Variants in DPH6 observed in about 807,000 individuals in gnomAD.
DPH6 encodes the protein diphthamine biosynthesis 6.
DPH6 carries 33 observed loss-of-function variants against 38.2 expected under a neutral mutation model. The observed-to-expected ratio is 0.86, with a 90% CI of 0.65 to 1.15. The LOEUF is 1.15. Among genes scored for constraint, DPH6 ranks in the 50% most tolerant of loss-of-function variants. DPH6 has a pLI of 0.00. For synonymous variants in DPH6, 108 were observed against 103.0 expected (o/e 1.05, Z -0.30); for missense variants, 325 against 320.0 (o/e 1.02, Z -0.12).
chr15:35,191,212 C>G, the DPH6 span, among the ~76,000 whole-genome samples: 1 of 152,162 alleles, frequency 6.6e-6, no homozygotes, highest in African/African-American at 2.4e-5. Flanking sequence ...CATTTTACAT[C>G]AAACTGACAC....
intron 3 of DPH6, among the ~76,000 whole-genome samples, chr15:35,467,401 A>G (rs1417387764): frequency 1.3e-5 from 2 of 152,068 alleles, no homozygotes; most frequent in Non-Finnish European, 2.9e-5. Flanking sequence ...CCCCATCTCT[A>G]CTAAAAATAC....
chr15:35,436,193 G>A (rs112410866), intron 5 of DPH6, among the ~76,000 whole-genome samples: 6 of 152,112 alleles, frequency 3.9e-5, no homozygotes, highest in East Asian at 2.0e-4. Flanking sequence ...CCTGCTGGGC[G>A]CGGTGGCTCA....
At chr15:35,379,218 C>T (rs1030106700) in intron 7 of DPH6, among the ~76,000 whole-genome samples, 7 of 152,134 alleles carry the variant, frequency 4.6e-5, no homozygotes, top group African/African-American at 1.7e-4. Flanking sequence ...GCCCCTCCCT[C>T]ACCTCAAAAA....
At chr15:35,401,617 C>T (rs1018174709) in intron 6 of DPH6, 30 of 759,988 alleles carry the variant, frequency 3.9e-5, no homozygotes, top group Admixed American at 1.5e-4. Context: ...CAATCATCTT[C>T]GAATTTTGGA....
chr15:35,460,367 CG>C (rs1444430022), intron 3 of DPH6, among the ~76,000 whole-genome samples: 1 of 151,936 alleles, frequency 6.6e-6, no homozygotes, highest in East Asian at 1.9e-4. Flanking sequence ...AGAGACCAAA[CG>C]GGAAGAAAAT....
intron 3 of DPH6, among the ~76,000 whole-genome samples, chr15:35,307,462 T>C (rs1424534592): frequency 1.3e-5 from 2 of 152,192 alleles, no homozygotes; most frequent in Non-Finnish European, 2.9e-5. Flanking sequence ...ATGTAATACC[T>C]GATCCTAGGT....
intron 3 of DPH6, among the ~76,000 whole-genome samples, chr15:35,486,361 G>C (rs140317377): frequency 1.3e-5 from 2 of 151,680 alleles, no homozygotes; most frequent in Non-Finnish European, 2.9e-5. Context: ...CCATATCACT[G>C]GGTGATTTAT....
At chr15:35,357,106 T>G (rs2052567966) in intron 3 of DPH6, among the ~76,000 whole-genome samples, 1 of 152,248 alleles carries the variant, frequency 6.6e-6, no homozygotes, top group Non-Finnish European at 1.5e-5. Context: ...AATCTCCTGT[T>G]GTGCCGTTTG....
the DPH6 span, among the ~76,000 whole-genome samples, chr15:35,171,374 G>A: frequency 6.6e-6 from 1 of 152,160 alleles, no homozygotes; most frequent in Non-Finnish European, 1.5e-5. Flanking sequence ...GAATGGATCT[G>A]CTAGTATTCC....
chr15:35,215,603 G>C (rs541478167), downstream of DPH6, among the ~76,000 whole-genome samples: 1 of 152,150 alleles, frequency 6.6e-6, no homozygotes, highest in East Asian at 1.9e-4. Context: ...TGGCCAGGCT[G>C]GTCTTAAACT....
At chr15:35,215,228 C>T (rs944083498), downstream of DPH6, among the ~76,000 whole-genome samples, 1 of 152,126 alleles carries the variant, frequency 6.6e-6, no homozygotes, top group South Asian at 2.1e-4. Flanking sequence ...AGTCAAGAGT[C>T]CCTAACAAAT....
intron 3 of DPH6, among the ~76,000 whole-genome samples, chr15:35,258,806 T>C (rs1281688045): frequency 6.6e-6 from 1 of 152,082 alleles, no homozygotes; most frequent in South Asian, 2.1e-4. Context: ...CCCTCCCTTA[T>C]ATATTTACTT....
intron 3 of DPH6, among the ~76,000 whole-genome samples, chr15:35,342,680 G>A (rs2052431000): frequency 6.6e-6 from 1 of 152,084 alleles, no homozygotes. Context: ...ACATAGTGTT[G>A]TTATTAGATG....
chr15:35,163,063 T>C, the DPH6 span, among the ~76,000 whole-genome samples: 1 of 151,996 alleles, frequency 6.6e-6, no homozygotes, highest in East Asian at 1.9e-4. Flanking sequence ...GCATTTGCTT[T>C]CTGGATCCTC....
rs193239692 is a variant in DPH6 at position 35,302,746 on chromosome 15, A to G, written n.200+70775T>C. Among the ~76,000 whole-genome samples, 55 of 152,198 alleles carry G rather than the reference A, an allele frequency of 3.6e-4. No homozygotes were observed. In the East Asian group the frequency reaches 8.7e-3, roughly 24 times the overall value. Reference sequence around the variant, plus strand: ...TGGTCCCTTCTTGGATTGGGGCTGCAGTGATTTTTGAAAGTAATTATCTCA... The same window carrying G: ...TGGTCCCTTCTTGGATTGGGGCTGCGGTGATTTTTGAAAGTAATTATCTCA... On this transcript the variant is annotated intron_variant and non_coding_transcript_variant, in intron 3 of 3. Coordinates refer to the DPH6 transcript ENST00000560386.
At chr15:35,435,376 A>G (rs998639260) in intron 5 of DPH6, among the ~76,000 whole-genome samples, 1 of 152,238 alleles carries the variant, frequency 6.6e-6, no homozygotes, top group Non-Finnish European at 1.5e-5. Flanking sequence ...TGGCTTCAAA[A>G]AAGGCAAACA....
the DPH6 span, among the ~76,000 whole-genome samples, chr15:35,209,635 T>G: frequency 2.0e-5 from 3 of 152,186 alleles, no homozygotes; most frequent in Non-Finnish European, 2.9e-5. Context: ...TTTTAAATAG[T>G]ATATTTCAAC....
intron 3 of DPH6, among the ~76,000 whole-genome samples, chr15:35,465,159 T>G (rs972160949): frequency 2.6e-5 from 4 of 152,218 alleles, no homozygotes; most frequent in Non-Finnish European, 5.9e-5. Flanking sequence ...TAAGAAGATA[T>G]GCAGCTTGCA....
chr15:35,394,334 C>T (rs1341801127), intron 6 of DPH6, among the ~76,000 whole-genome samples: 1 of 152,144 alleles, frequency 6.6e-6, no homozygotes, highest in East Asian at 1.9e-4. Context: ...AGAGCACAGG[C>T]TTGAAATCAG....
Sources: gnomAD v4.1 joint callset for allele counts (sites outside exome capture counted in the v4.1 genomes callset) on GRCh38, gnomAD v4.1.1 for gene constraint, MANE v1.5 for transcripts, NCBI Gene and HGNC (gene_info 2026-07-23, HGNC 2026-07-21) for gene names.